Variants in TBC1D22A observed in about 807,000 individuals in gnomAD.
TBC1D22A encodes putative GTPase activator.
In TBC1D22A, 38 loss-of-function variants were observed where a neutral mutation model predicts 60.2. The observed-to-expected ratio is 0.63, with a 90% CI of 0.49 to 0.83. TBC1D22A has a LOEUF of 0.83. Among genes scored for constraint, TBC1D22A ranks in the 40% least tolerant of loss-of-function variants. The probability of loss-of-function intolerance (pLI) is 0.00; values close to 1 mark genes in which losing one functional copy is unlikely to be tolerated. For missense variants in TBC1D22A, 628 were observed against 701.0 expected (o/e 0.90, Z 1.18); for synonymous variants, 302 against 281.7 (o/e 1.07, Z -0.72).
chr22:46,793,659 T>C lies in TBC1D22A; in HGVS notation c.278T>C (p.Val93Ala), dbSNP rs1213849893. 1 of 1,613,140 alleles carries C rather than the reference T, an allele frequency of 6.2e-7. No homozygotes were observed. Among genetic ancestry groups the C allele is most frequent in the African/African-American group, 1.3e-5 (1 of 74,846 alleles). Residue 93 changes from valine (V) to alanine (A), a missense_variant, in exon 3 of 13, where the codon GTG becomes GCG. Val to Ala is a moderately conservative substitution (Grantham distance 64). Transcript: ENST00000337137. ...AMAAESLNSE[V>A]VMETANRVLR... ...GCGGCGGAGAGCCTGAACTCCGAGG[T>C]GGTCATGGAGACGGCCAACCGTGTG...
intron 1 of TBC1D22A, among the ~76,000 whole-genome samples, chr22:46,771,976 A>G (rs534534343): frequency 9.2e-5 from 14 of 151,974 alleles, no homozygotes; most frequent in African/African-American, 2.7e-4. Flanking sequence ...GTTGTCTCCA[A>G]TCTCATCGAG....
At chr22:46,998,063 A>G (rs1384394704) in intron 10 of TBC1D22A, among the ~76,000 whole-genome samples, 1 of 152,010 alleles carries the variant, frequency 6.6e-6, no homozygotes, top group Non-Finnish European at 1.5e-5. Context: ...TCATTTTTCT[A>G]TCAAGGATGC....
chr22:46,773,860 C>G (rs2083590592), intron 1 of TBC1D22A: 2 of 894,242 alleles, frequency 2.2e-6, no homozygotes, highest in South Asian at 5.2e-5. Context: ...AATGAGGAAA[C>G]TCAGAAGCTG....
intron 8 of TBC1D22A, among the ~76,000 whole-genome samples, chr22:46,964,857 G>C (rs1320471701): frequency 6.6e-6 from 1 of 152,234 alleles, no homozygotes; most frequent in African/African-American, 2.4e-5. Flanking sequence ...ACCACAGCCA[G>C]CCTTTCACGT....
At chr22:47,078,265 C>T (rs923718914) in intron 11 of TBC1D22A, among the ~76,000 whole-genome samples, 1 of 152,180 alleles carries the variant, frequency 6.6e-6, no homozygotes, top group African/African-American at 2.4e-5. Flanking sequence ...CTTCTCTTCC[C>T]TCTGCCCTTG....
At chr22:46,887,352 A>T (rs2068169432) in intron 5 of TBC1D22A, among the ~76,000 whole-genome samples, 1 of 152,228 alleles carries the variant, frequency 6.6e-6, no homozygotes, top group African/African-American at 2.4e-5. Flanking sequence ...GACATTGGGA[A>T]TTTGCATACA....
intron 11 of TBC1D22A, among the ~76,000 whole-genome samples, chr22:47,063,943 CCAG>C (rs879750040): frequency 0.45 from 68,745 of 151,970 alleles, 17,532 homozygotes; most frequent in African/African-American, 0.57. Context: ...CCCCCCTACT[CCAG>C]TGTGGCCTCC....
intron 11 of TBC1D22A, among the ~76,000 whole-genome samples, chr22:47,040,303 G>A (rs945718461): frequency 1.3e-5 from 2 of 152,092 alleles, no homozygotes; most frequent in South Asian, 2.1e-4. Context: ...GCATGAGAAC[G>A]GCGTGGAGAA....
At chr22:47,042,177 C>T (rs1273823823) in intron 11 of TBC1D22A, among the ~76,000 whole-genome samples, 1 of 152,214 alleles carries the variant, frequency 6.6e-6, no homozygotes, top group Non-Finnish European at 1.5e-5. Flanking sequence ...TATTTCTGCC[C>T]CCCCCATGAG....
intron 11 of TBC1D22A, among the ~76,000 whole-genome samples, chr22:47,038,327 G>A (rs533871036): frequency 3.9e-5 from 6 of 152,310 alleles, no homozygotes; most frequent in East Asian, 3.9e-4. Context: ...GGTTGATGCT[G>A]GGGGACGGAC....
intron 10 of TBC1D22A, among the ~76,000 whole-genome samples, chr22:47,015,930 C>G (rs977323644): frequency 2.0e-5 from 3 of 152,206 alleles, no homozygotes; most frequent in Non-Finnish European, 4.4e-5. Flanking sequence ...GCAGCCTCTG[C>G]TTATCTGCCA....
intron 8 of TBC1D22A, among the ~76,000 whole-genome samples, chr22:46,957,620 T>C (rs1360640825): frequency 6.6e-6 from 1 of 152,212 alleles, no homozygotes; most frequent in Non-Finnish European, 1.5e-5. Flanking sequence ...AACCAAACCG[T>C]ATCAAGTGCC....
At chr22:46,954,104 G>A (rs73186518) in intron 8 of TBC1D22A, among the ~76,000 whole-genome samples, 6,847 of 152,206 alleles carry the variant, frequency 0.045, 176 homozygotes, top group South Asian at 0.071. Context: ...TGTTACCACA[G>A]TAGCAAGTCC....
chr22:46,817,253 G>T (rs550506069), intron 4 of TBC1D22A, among the ~76,000 whole-genome samples: 4 of 137,778 alleles, frequency 2.9e-5, no homozygotes, highest in African/African-American at 1.1e-4. Flanking sequence ...GAGGATACTA[G>T]GTTGTCCTTT....
intron 10 of TBC1D22A, among the ~76,000 whole-genome samples, chr22:47,003,952 C>T (rs563946196): frequency 1.4e-4 from 20 of 139,432 alleles, no homozygotes; most frequent in Admixed American, 6.2e-4. Flanking sequence ...ACACACCCTA[C>T]GCACGCATGC....
chr22:46,942,476 G>T (rs1319389838), intron 8 of TBC1D22A, among the ~76,000 whole-genome samples: 2 of 152,134 alleles, frequency 1.3e-5, no homozygotes, highest in Non-Finnish European at 2.9e-5. Context: ...TGCCGCTAAC[G>T]TCACGTGTCG....
In TBC1D22A at chr22:47,122,945, G is replaced by A. The variant is rs116809426; in HGVS notation, c.1425+11342G>A. On this transcript the variant is annotated intron_variant, in intron 12 of 12. Coordinates refer to ENST00000337137, the MANE Select transcript of TBC1D22A (RefSeq NM_014346.5). ...CTTTGGGGTCTCAGGGTAATTAAAG[G>A]TTGCTTTAAAGATCAATGGCAGCTT... Among the ~76,000 whole-genome samples, 1,034 of 152,360 alleles carry A rather than the reference G, an allele frequency of 6.8e-3. 15 individuals carry two copies. The highest frequency in any genetic ancestry group is 0.024 in the African/African-American group (979 of 41,578).
At chr22:47,034,736 T>C (rs1288093110) in intron 10 of TBC1D22A, among the ~76,000 whole-genome samples, 1 of 152,134 alleles carries the variant, frequency 6.6e-6, no homozygotes, top group Non-Finnish European at 1.5e-5. Flanking sequence ...ACGACGGAGC[T>C]CGAACAGGCC....
At chr22:46,986,695 T>C (rs1209076600) in intron 9 of TBC1D22A, among the ~76,000 whole-genome samples, 1 of 143,456 alleles carries the variant, frequency 7.0e-6, no homozygotes, top group Non-Finnish European at 1.6e-5. Context: ...TAAATCAATT[T>C]TGGATTGATA....
Sources: allele counts gnomAD v4.1 joint callset (sites outside exome capture counted in the v4.1 genomes callset), GRCh38; gene constraint gnomAD v4.1.1; transcripts MANE v1.5; gene names NCBI Gene and HGNC (gene_info 2026-07-23, HGNC 2026-07-21).